TTC27: variants seen among roughly 807,000 people sequenced by gnomAD.
The protein encoded by TTC27 is tetratricopeptide repeat protein 27.
A neutral mutation model predicts 115.9 loss-of-function variants in TTC27; 79 were observed. That is an observed-to-expected ratio of 0.68 (90% CI 0.57 to 0.82). TTC27 has a LOEUF of 0.82. TTC27 is among the 40% of genes least tolerant of loss of function. The probability of loss-of-function intolerance (pLI) is 0.00; values close to 1 mark genes in which losing one functional copy is unlikely to be tolerated. For synonymous variants in TTC27, 401 were observed against 356.0 expected, an observed-to-expected ratio of 1.13 and a Z score of -1.42; for missense variants, 1,054 against 993.1, an observed-to-expected ratio of 1.06 and a Z score of -0.82.
chr2:32,744,563 T>G (rs1352278759), intron 12 of TTC27, among the ~76,000 whole-genome samples: 1 of 152,200 alleles, frequency 6.6e-6, no homozygotes, highest in Non-Finnish European at 1.5e-5. Flanking sequence ...CTCAAGTGTC[T>G]TGCTTTCCAG....
chr2:32,703,705 T>C (rs1458880774), intron 10 of TTC27, among the ~76,000 whole-genome samples: 1 of 152,218 alleles, frequency 6.6e-6, no homozygotes, highest in African/African-American at 2.4e-5. Context: ...GTCAATAGCA[T>C]TTAGTCTCTT....
intron 9 of TTC27, among the ~76,000 whole-genome samples, chr2:32,695,419 A>G (rs1666949124): frequency 6.6e-6 from 1 of 152,028 alleles, no homozygotes; most frequent in Non-Finnish European, 1.5e-5. Flanking sequence ...TGCCATCTCT[A>G]CTAAAAATAT....
intron 5 of TTC27, among the ~76,000 whole-genome samples, chr2:32,661,802 A>G (rs888961042): frequency 4.6e-5 from 7 of 152,090 alleles, no homozygotes; most frequent in African/African-American, 1.2e-4. Flanking sequence ...TTCCAACACT[A>G]TGTTGAATAG....
At position 32,802,523 on chromosome 2, in the gene TTC27, C is replaced by G. The variant is rs535698057; in HGVS notation, c.1999-8501C>G. On this transcript the variant is annotated intron_variant, in intron 16 of 19. Transcript: ENST00000317907. ...CTCTCCTCATCCTCTTTGGAACTTA[C>G]ACCATTGCAGTTTTATCTCCCCTAG... is the stretch of plus-strand genomic sequence containing the variant. Among the ~76,000 whole-genome samples, 23 of 152,298 alleles carry G rather than the reference C, an allele frequency of 1.5e-4. No homozygotes were observed. The East Asian group carries it at 4.2e-3, about 28-fold the overall frequency.
At chr2:32,669,702 T>G (rs1257014268) in intron 7 of TTC27, among the ~76,000 whole-genome samples, 2 of 151,966 alleles carry the variant, frequency 1.3e-5, no homozygotes, top group African/African-American at 4.8e-5. Flanking sequence ...CTGGCCAACA[T>G]GCCGAAACCC....
intron 12 of TTC27, among the ~76,000 whole-genome samples, chr2:32,754,087 A>G (rs1040098628): frequency 2.7e-5 from 4 of 149,062 alleles, no homozygotes; most frequent in African/African-American, 9.9e-5. Flanking sequence ...AATAAAAATA[A>G]AATAAAAAAT....
intron 19 of TTC27, among the ~76,000 whole-genome samples, chr2:32,817,892 C>G (rs1303550909): frequency 3.9e-5 from 6 of 152,090 alleles, no homozygotes; most frequent in Non-Finnish European, 8.8e-5. Context: ...CCCATCTCTA[C>G]TAAAAAATAC....
intron 11 of TTC27, among the ~76,000 whole-genome samples, chr2:32,735,384 C>G (rs1448047477): frequency 6.6e-6 from 1 of 152,120 alleles, no homozygotes; most frequent in Non-Finnish European, 1.5e-5. Flanking sequence ...TCAGACTGAG[C>G]TGTTATGACA....
At chr2:32,809,993 T>A (rs1161207531) in intron 16 of TTC27, among the ~76,000 whole-genome samples, 1 of 152,032 alleles carries the variant, frequency 6.6e-6, no homozygotes, top group East Asian at 1.9e-4. Context: ...GGCGCTCACC[T>A]GTAGTCCCAG....
intron 13 of TTC27, among the ~76,000 whole-genome samples, chr2:32,762,839 G>A (rs188514191): frequency 3.2e-4 from 49 of 152,070 alleles, no homozygotes; most frequent in African/African-American, 9.6e-4. Context: ...ACGGGGTTTC[G>A]CCATGTTGGT....
chr2:32,791,552 A>G (rs953750011), intron 16 of TTC27, among the ~76,000 whole-genome samples: 2 of 152,208 alleles, frequency 1.3e-5, no homozygotes, highest in African/African-American at 4.8e-5. Flanking sequence ...TCATTTGGCT[A>G]GTAGGAACCA....
intron 13 of TTC27, among the ~76,000 whole-genome samples, chr2:32,771,742 A>T (rs1467973582): frequency 6.6e-6 from 1 of 152,198 alleles, no homozygotes; most frequent in Non-Finnish European, 1.5e-5. Flanking sequence ...AGCATCAAGC[A>T]TCACTTTAGG....
intron 5 of TTC27, among the ~76,000 whole-genome samples, chr2:32,663,667 TG>T (rs748359615): frequency 6.5e-4 from 99 of 151,768 alleles, no homozygotes; most frequent in South Asian, 5.2e-3. Flanking sequence ...TATGTATGTA[TG>T]TATGTATGTA....
At chr2:32,807,928 CTTTT>C (rs70938367) in intron 16 of TTC27, among the ~76,000 whole-genome samples, 3 of 109,680 alleles carry the variant, frequency 2.7e-5, no homozygotes, top group African/African-American at 3.6e-5. Flanking sequence ...TACTTGCCCT[CTTTT>C]TTTTTTTTTT....
At chr2:32,669,037 C>T (rs1009013408) in intron 7 of TTC27, among the ~76,000 whole-genome samples, 2 of 151,882 alleles carry the variant, frequency 1.3e-5, no homozygotes, top group African/African-American at 4.8e-5. Context: ...TGAGATCGTG[C>T]CACTGCACTC....
chr2:32,735,347 T>C (rs998797057), intron 11 of TTC27, among the ~76,000 whole-genome samples: 16 of 152,218 alleles, frequency 1.1e-4, no homozygotes. Context: ...AGGTGCTTTA[T>C]ATTATGTGGT....
chr2:32,812,579 A>C lies in TTC27; in HGVS notation c.2272A>C (p.Lys758Gln). 1 of 1,614,082 alleles carries C rather than the reference A, an allele frequency of 6.2e-7. No individual in the cohort carries two copies. Among genetic ancestry groups the C allele is most frequent in the Non-Finnish European group, 8.5e-7 (1 of 1,179,938 alleles). The change falls in exon 18 of 20, where the codon AAG becomes CAG. Residue 758 changes from lysine to glutamine, a missense_variant. Lys to Gln is a moderately conservative substitution (Grantham distance 53). Coordinates refer to ENST00000317907, the MANE Select transcript of TTC27 (RefSeq NM_017735.5). ...NCWEKDITSF[K>Q]EVVQRALGLA... ...TTGGGAGAAAGATATTACATCATTTAAGGAAGTTGTTCAAAGAGCCTTAGG... is the reference window on the plus strand; with the variant it reads ...TTGGGAGAAAGATATTACATCATTTCAGGAAGTTGTTCAAAGAGCCTTAGG...
At chr2:32,642,212 G>C (rs1664678387) in intron 4 of TTC27, among the ~76,000 whole-genome samples, 1 of 149,666 alleles carries the variant, frequency 6.7e-6, no homozygotes, top group African/African-American at 2.5e-5. Context: ...CTGTGTAAGG[G>C]CTTACTTTCC....
At chr2:32,690,106 A>G (rs1357255135) in intron 9 of TTC27, among the ~76,000 whole-genome samples, 1 of 152,206 alleles carries the variant, frequency 6.6e-6, no homozygotes, top group African/African-American at 2.4e-5. Flanking sequence ...CAGGTCCTCA[A>G]GTAACATTGC....
Sources: allele counts gnomAD v4.1 joint callset (sites outside exome capture counted in the v4.1 genomes callset), GRCh38; gene constraint gnomAD v4.1.1; transcripts MANE v1.5; gene names NCBI Gene and HGNC (gene_info 2026-07-23, HGNC 2026-07-21).